Variants in ELL2 observed in about 807,000 individuals in gnomAD.
ELL2 encodes elongation factor for RNA polymerase II 2, also known as RNA polymerase II elongation factor ELL2.
ELL2 carries 21 observed loss-of-function variants against 72.8 expected under a neutral mutation model. The ratio of observed to expected loss-of-function variants is 0.29; its 90% CI spans 0.20 to 0.42. The LOEUF is 0.42. Ranked by LOEUF, ELL2 falls within the 10% of genes least tolerant of loss-of-function variation. The pLI is 1.00. For synonymous variants in ELL2, 266 were observed against 283.2 expected (o/e 0.94, Z 0.61); for missense variants, 568 against 772.8 (o/e 0.73, Z 3.14).
At chr5:95,917,704 T>C (rs1315791123) in intron 3 of ELL2, among the ~76,000 whole-genome samples, 1 of 152,168 alleles carries the variant, frequency 6.6e-6, no homozygotes, top group East Asian at 1.9e-4. Context: ...ACAATAAGTG[T>C]TTCTATTCTC....
intron 2 of ELL2, among the ~76,000 whole-genome samples, chr5:95,929,317 G>A (rs187128140): frequency 0.025 from 3,761 of 150,912 alleles, 86 homozygotes; most frequent in Non-Finnish European, 0.037. Flanking sequence ...GGAGTGCAGC[G>A]GCTCGATCTT....
chr5:95,957,830 A>G (rs1034647760), intron 1 of ELL2, among the ~76,000 whole-genome samples: 5 of 152,236 alleles, frequency 3.3e-5, no homozygotes, highest in Admixed American at 2.6e-4. Flanking sequence ...AACCCTTAGA[A>G]CGCTGTAAAT....
At chr5:95,934,622 T>C (rs1327804398) in intron 2 of ELL2, among the ~76,000 whole-genome samples, 1 of 152,168 alleles carries the variant, frequency 6.6e-6, no homozygotes, top group East Asian at 1.9e-4. Context: ...GAGAGAAAAC[T>C]TTCTTTCTCC....
At chr5:95,922,918 C>T (rs1166972915) in intron 2 of ELL2, among the ~76,000 whole-genome samples, 1 of 152,144 alleles carries the variant, frequency 6.6e-6, no homozygotes, top group Non-Finnish European at 1.5e-5. Flanking sequence ...ATTTTGTCCC[C>T]CAGAGGACAT....
rs150283495 is a variant in ELL2 at position 95,923,390 on chromosome 5, T to G, written c.196-3845A>C. On this transcript the variant is annotated intron_variant, in intron 2 of 11. Transcript: ENST00000237853. ...AAACCACCTCTGTCCTCACCTCTGA[T>G]AGCAGAACTTCTCAACAGTCTCTCC... is the stretch of plus-strand genomic sequence containing the variant. 4.7e-4 allele frequency among the ~76,000 whole-genome samples: 72 copies of G among 152,328 alleles called. 1 individual carries two copies. The highest frequency in any genetic ancestry group is 8.1e-4 in the Non-Finnish European group (55 of 68,022).
At chr5:95,937,547 T>C (rs1037759977) in intron 2 of ELL2, among the ~76,000 whole-genome samples, 13 of 151,748 alleles carry the variant, frequency 8.6e-5, no homozygotes, top group African/African-American at 2.9e-4. Context: ...TGTGTGTATA[T>C]ATAAAAACTA....
intron 4 of ELL2, among the ~76,000 whole-genome samples, chr5:95,908,084 C>T (rs1433443996): frequency 1.3e-5 from 2 of 152,174 alleles, no homozygotes; most frequent in Admixed American, 6.5e-5. Context: ...CAAACTATTA[C>T]ACAACAAAGG....
At chr5:95,914,981 A>G (rs1354412233) in intron 3 of ELL2, among the ~76,000 whole-genome samples, 2 of 152,248 alleles carry the variant, frequency 1.3e-5, no homozygotes, top group East Asian at 3.8e-4. Context: ...GGTATTTTAT[A>G]AAGAAATTGC....
At chr5:95,904,445 T>A (rs945021967) in intron 5 of ELL2, among the ~76,000 whole-genome samples, 7 of 152,250 alleles carry the variant, frequency 4.6e-5, no homozygotes, top group African/African-American at 1.7e-4. Flanking sequence ...ACCAGTTTAA[T>A]AATAAACAGC....
intron 1 of ELL2, among the ~76,000 whole-genome samples, chr5:95,955,673 A>C (rs2112362119): frequency 1.3e-5 from 2 of 152,348 alleles, no homozygotes; most frequent in South Asian, 2.1e-4. Context: ...AAATTTGTGC[A>C]TAAGTTATAG....
intron 3 of ELL2, among the ~76,000 whole-genome samples, chr5:95,918,672 T>G (rs1308772458): frequency 6.6e-6 from 1 of 152,096 alleles, no homozygotes; most frequent in Non-Finnish European, 1.5e-5. Context: ...AAGCCTTACA[T>G]GAGGAGGAAA....
chr5:95,946,956 A>T (rs1289538283), intron 1 of ELL2, among the ~76,000 whole-genome samples: 1 of 152,216 alleles, frequency 6.6e-6, no homozygotes, highest in Non-Finnish European at 1.5e-5. Context: ...GAATGCCCAA[A>T]GGAAAAAAAT....
intron 1 of ELL2, among the ~76,000 whole-genome samples, chr5:95,949,888 C>G (rs1244951376): frequency 6.6e-6 from 1 of 152,174 alleles, no homozygotes; most frequent in Non-Finnish European, 1.5e-5. Flanking sequence ...TTACTACCAC[C>G]TCTGGGAATT....
intron 1 of ELL2, among the ~76,000 whole-genome samples, chr5:95,950,333 C>A (rs1386124927): frequency 6.6e-6 from 1 of 151,920 alleles, no homozygotes; most frequent in Admixed American, 6.6e-5. Context: ...TGATAGAGAA[C>A]CCAAAGAAGA....
At position 95,887,344 on chromosome 5, in the gene ELL2, C is replaced by G. The variant is rs561653813; in HGVS notation, c.*1527G>C. 6.6e-6 allele frequency: 1 copy of G among 152,604 alleles called. No homozygotes were observed. The highest frequency in any genetic ancestry group is 2.4e-5 in the African/African-American group (1 of 41,442). 9.5% of individuals were successfully genotyped at this position (152,604 alleles called of 1,614,324 possible). ...ATGCTCTCTCAAGTTTTCTAGATAA[C>G]CAACATTTTTCTGGTTTACAGTGAT... On this transcript the variant is annotated 3_prime_UTR_variant, in exon 12 of 12. Transcript: ENST00000237853.
chr5:95,922,086 G>A (rs1003973853), intron 2 of ELL2, among the ~76,000 whole-genome samples: 11 of 147,942 alleles, frequency 7.4e-5, no homozygotes, highest in Non-Finnish European at 1.5e-4. Flanking sequence ...TTTTTTTTGA[G>A]ACGTAATCTC....
At position 95,899,923 on chromosome 5, in the gene ELL2, T is replaced by A. The variant is rs1057964; in HGVS notation, c.954+770A>T. ...TAATATTTTCTGATGTGCGAATGGC[T>A]GTTTGCCCAGGGTATGCTTAGTGTT... is the stretch of plus-strand genomic sequence containing the variant. On this transcript the variant is annotated intron_variant, in intron 7 of 11. Coordinates refer to ENST00000237853, the MANE Select transcript of ELL2 (RefSeq NM_012081.6). 4.1e-3 allele frequency among the ~76,000 whole-genome samples: 621 copies of A among 151,932 alleles called. 1 individual carries two copies. Among genetic ancestry groups the A allele is most frequent in the Non-Finnish European group, 6.2e-3 (422 of 67,960 alleles).
chr5:95,914,078 C>T, intron 3 of ELL2, 144 bp from the exon 4 acceptor site: 2 of 664,456 alleles, frequency 3.0e-6, no homozygotes, highest in Non-Finnish European at 4.5e-6. Flanking sequence ...AATGTAAATG[C>T]TATTTAAAAT....
intron 2 of ELL2, among the ~76,000 whole-genome samples, chr5:95,934,773 C>T (rs1297480380): frequency 6.6e-6 from 1 of 152,112 alleles, no homozygotes; most frequent in Non-Finnish European, 1.5e-5. Context: ...AGTTTTTCTC[C>T]TTAGAGTCTT....
Sources: gnomAD v4.1 joint callset for allele counts (sites outside exome capture counted in the v4.1 genomes callset) on GRCh38, gnomAD v4.1.1 for gene constraint, MANE v1.5 for transcripts, NCBI Gene and HGNC (gene_info 2026-07-23, HGNC 2026-07-21) for gene names.